Variants in DPP6 observed in about 807,000 individuals in gnomAD.
DPP6 encodes the protein dipeptidyl peptidase like 6, also known as A-type potassium channel modulatory protein DPP6.
DPP6 carries 69 observed loss-of-function variants against 122.6 expected under a neutral mutation model. The ratio of observed to expected loss-of-function variants is 0.56; its 90% CI spans 0.46 to 0.69. The LOEUF (loss-of-function observed/expected upper bound fraction) is 0.69, where lower values mean the gene tolerates loss of function less well. Ranked by LOEUF, DPP6 falls within the 30% of genes least tolerant of loss-of-function variation. DPP6 has a pLI of 0.00. For synonymous variants in DPP6, 418 were observed against 433.1 expected (o/e 0.97, Z 0.43); for missense variants, 928 against 1,116.9 (o/e 0.83, Z 2.41).
At chr7:154,767,108 A>C (rs1187291621) in intron 8 of DPP6, among the ~76,000 whole-genome samples, 2 of 152,130 alleles carry the variant, frequency 1.3e-5, no homozygotes, top group African/African-American at 4.8e-5. Context: ...AAGCTGCTTC[A>C]TTTTTAAAGC....
intron 6 of DPP6, among the ~76,000 whole-genome samples, chr7:154,650,038 G>A (rs960578818): frequency 5.9e-5 from 9 of 152,266 alleles, no homozygotes; most frequent in Admixed American, 5.9e-4. Flanking sequence ...TCAAAACTGT[G>A]GGCCTGCGCA....
intron 1 of DPP6, among the ~76,000 whole-genome samples, chr7:154,087,057 A>C (rs1247420632): frequency 2.0e-5 from 3 of 152,040 alleles, no homozygotes; most frequent in African/African-American, 7.3e-5. Context: ...GTGATGTTAC[A>C]TATTTTTTTC....
rs561692355 is a variant in DPP6 at position 154,485,246 on chromosome 7, A to G, written c.457+10209A>G. 1.4e-4 allele frequency among the ~76,000 whole-genome samples: 22 copies of G among 152,354 alleles called. No homozygotes were observed. In the East Asian group the frequency reaches 3.9e-3, roughly 27 times the overall value. On this transcript the variant is annotated intron_variant, in intron 3 of 25. Coordinates refer to ENST00000377770, the MANE Select transcript of DPP6 (RefSeq NM_130797.4). Reference sequence around the variant, plus strand: ...GTGTTTGGAGAGCATAACAGTGATCATTTGAAGTCATTACATAAAAATACA... The same window carrying G: ...GTGTTTGGAGAGCATAACAGTGATCGTTTGAAGTCATTACATAAAAATACA...
chr7:154,691,147 A>C (rs577830557), intron 7 of DPP6, among the ~76,000 whole-genome samples: 38 of 152,320 alleles, frequency 2.5e-4, no homozygotes, highest in Non-Finnish European at 3.4e-4. Context: ...CTTCCATGTC[A>C]TGGAACAAAG....
At chr7:153,997,838 A>T (rs1463102273) in intron 1 of DPP6, among the ~76,000 whole-genome samples, 1 of 151,630 alleles carries the variant, frequency 6.6e-6, no homozygotes, top group East Asian at 1.9e-4. Flanking sequence ...CTACATTTTA[A>T]TAAGAGGAGA....
At chr7:153,786,333 T>C in the DPP6 span, among the ~76,000 whole-genome samples, 1 of 149,766 alleles carries the variant, frequency 6.7e-6, no homozygotes, top group African/African-American at 2.5e-5. Context: ...GCATATCAAA[T>C]ATGACCACGT....
intron 1 of DPP6, among the ~76,000 whole-genome samples, chr7:154,197,660 G>C (rs7785119): frequency 3.9e-5 from 6 of 152,104 alleles, no homozygotes; most frequent in African/African-American, 1.4e-4. Flanking sequence ...AACTCAGTCA[G>C]CTTTATCTAT....
chr7:154,652,124 C>T (rs1040459641), intron 6 of DPP6, among the ~76,000 whole-genome samples: 2 of 152,244 alleles, frequency 1.3e-5, no homozygotes, highest in African/African-American at 4.8e-5. Flanking sequence ...GGGGCTCCTC[C>T]GCAGGCTCCC....
At chr7:153,754,753 C>T in the DPP6 span, among the ~76,000 whole-genome samples, 1 of 152,152 alleles carries the variant, frequency 6.6e-6, no homozygotes, top group Non-Finnish European at 1.5e-5. Flanking sequence ...GATTTAATTT[C>T]TGTGGTTCCA....
chr7:153,933,133 C>T (rs1454701297), intron 1 of DPP6, among the ~76,000 whole-genome samples: 1 of 152,188 alleles, frequency 6.6e-6, no homozygotes, highest in African/African-American at 2.4e-5. Flanking sequence ...TTATAAATTA[C>T]CCAGTCTCAA....
At chr7:154,718,975 C>A (rs965429479) in intron 7 of DPP6, among the ~76,000 whole-genome samples, 15 of 152,152 alleles carry the variant, frequency 9.9e-5, no homozygotes, top group African/African-American at 3.6e-4. Flanking sequence ...TTCATCCCCC[C>A]ACTGCTCAGA....
intron 1 of DPP6, among the ~76,000 whole-genome samples, chr7:154,404,525 A>G (rs1467687504): frequency 6.6e-6 from 1 of 152,328 alleles, no homozygotes; most frequent in African/African-American, 2.4e-5. Context: ...AGAAAATTAC[A>G]AAGGCCAAAT....
At chr7:154,480,895 A>G (rs868178171) in intron 3 of DPP6, among the ~76,000 whole-genome samples, 1 of 152,188 alleles carries the variant, frequency 6.6e-6, no homozygotes, top group African/African-American at 2.4e-5. Flanking sequence ...CCTTCAAGTC[A>G]TCTTTTATTC....
At chr7:153,998,487 A>C (rs1797545144) in intron 1 of DPP6, among the ~76,000 whole-genome samples, 1 of 152,090 alleles carries the variant, frequency 6.6e-6, no homozygotes, top group Admixed American at 6.5e-5. Context: ...TACCAAGCAA[A>C]GCTCAGAATC....
At chr7:154,005,433 C>T (rs1487315500) in intron 1 of DPP6, among the ~76,000 whole-genome samples, 2 of 151,490 alleles carry the variant, frequency 1.3e-5, no homozygotes, top group African/African-American at 4.9e-5. Context: ...TGGTCAGACC[C>T]CGGGATTTGA....
intron 9 of DPP6, among the ~76,000 whole-genome samples, chr7:154,772,307 A>G (rs1440721427): frequency 6.6e-6 from 1 of 152,092 alleles, no homozygotes. Flanking sequence ...TGGAAGTGAG[A>G]ACATCAGACA....
At chr7:154,679,101 C>A (rs1383905163) in intron 7 of DPP6, among the ~76,000 whole-genome samples, 1 of 152,166 alleles carries the variant, frequency 6.6e-6, no homozygotes, top group Non-Finnish European at 1.5e-5. Context: ...AGGATAGAGA[C>A]AGAAGCTAGG....
intron 1 of DPP6, among the ~76,000 whole-genome samples, chr7:154,326,933 T>C (rs1416805772): frequency 6.6e-6 from 1 of 152,308 alleles, no homozygotes; most frequent in African/African-American, 2.4e-5. Flanking sequence ...CTGGAAATAG[T>C]ATTCACTGGG....
intron 16 of DPP6, among the ~76,000 whole-genome samples, chr7:154,825,006 A>G (rs1800050146): frequency 6.6e-6 from 1 of 152,234 alleles, no homozygotes; most frequent in Admixed American, 6.5e-5. Flanking sequence ...ATATTTCCAT[A>G]TAAAAATATG....
Sources: allele counts gnomAD v4.1 joint callset (sites outside exome capture counted in the v4.1 genomes callset), GRCh38; gene constraint gnomAD v4.1.1; transcripts MANE v1.5; gene names NCBI Gene and HGNC (gene_info 2026-07-23, HGNC 2026-07-21).